The following XIRP2 variants were observed in gnomAD, a reference collection of about 807,000 sequenced individuals.
The protein encoded by XIRP2 is xin actin binding repeat containing 2, also known as xin actin-binding repeat-containing protein 2.
In XIRP2, 236 loss-of-function variants were observed where a neutral mutation model predicts 277.0. The ratio of observed to expected loss-of-function variants is 0.85; its 90% CI spans 0.77 to 0.95. The LOEUF is 0.95. XIRP2 is among the 40% of genes least tolerant of loss of function. The pLI is 0.00. For synonymous variants in XIRP2, 1,490 were observed against 1,416.5 expected (o/e 1.05, Z -1.17); for missense variants, 4,640 against 4,157.5 (o/e 1.12, Z -3.19).
intron 3 of XIRP2, among the ~76,000 whole-genome samples, chr2:167,148,438 A>G (rs1303245705): frequency 7.5e-5 from 11 of 146,910 alleles, no homozygotes; most frequent in East Asian, 2.0e-4. Context: ...AAAGAAAAAG[A>G]AAAAGAAAAA....
At chr2:166,980,564 C>G in intron 2 of XIRP2, among the ~76,000 whole-genome samples, 1 of 152,006 alleles carries the variant, frequency 6.6e-6, no homozygotes, top group East Asian at 1.9e-4. Flanking sequence ...TTACAGGCAC[C>G]CGCCACCACG....
At position 167,248,375 on chromosome 2, in the gene XIRP2, C is replaced by G. The variant is rs750820952; in HGVS notation, c.6983C>G (p.Ser2328Ter). The stretch of plus-strand genomic sequence containing the variant: ...CCTGAAAAAAATGGGTTTCTTCCCT[C>G]ACTGTCCACAGAGAAGATAAAGGCT... Reference protein sequence around the residue: ...MFPEKNGFLPSLSTEKIKAEF... With the variant: ...MFPEKNGFLP Residue 2328 changes from serine (S) to a stop codon, truncating the protein, a stop_gained, in exon 9 of 11, where the codon TCA (serine) becomes TGA (stop). Coordinates refer to ENST00000409195, the MANE Select transcript of XIRP2 (RefSeq NM_152381.6). LOFTEE classifies it high-confidence loss of function. The G allele has an allele frequency of 3.7e-6, 6 of 1,613,658 alleles. No homozygotes were observed. The highest frequency in any genetic ancestry group is 3.4e-6 in the Non-Finnish European group (4 of 1,179,842).
chr2:167,134,746 A>G (rs1451561140), intron 2 of XIRP2, among the ~76,000 whole-genome samples: 2 of 152,204 alleles, frequency 1.3e-5, no homozygotes, highest in African/African-American at 4.8e-5. Flanking sequence ...ACAATAACTC[A>G]TAATAAAATA....
chr2:167,175,192 C>G (rs1346868830), intron 3 of XIRP2, among the ~76,000 whole-genome samples: 1 of 152,004 alleles, frequency 6.6e-6, no homozygotes, highest in Non-Finnish European at 1.5e-5. Flanking sequence ...GCTAAATTCT[C>G]CCACTATTAT....
chr2:167,034,725 G>C (rs1018303602), intron 2 of XIRP2, among the ~76,000 whole-genome samples: 1 of 152,310 alleles, frequency 6.6e-6, no homozygotes, highest in African/African-American at 2.4e-5. Flanking sequence ...AGTCAATTCA[G>C]CAAGAGTATA....
rs1695137416 is a variant in XIRP2, at chr2:167,243,414, A to G, written c.2022A>G (p.Glu674=). 1.2e-6 allele frequency: 2 copies of G among 1,614,080 alleles called. No individual in the cohort carries two copies. Among genetic ancestry groups the G allele is most frequent in the South Asian group, 2.2e-5 (2 of 91,080 alleles). The change falls in exon 9 of 11, where the codon GAA becomes GAG. Residue 674 remains glutamate (E), a synonymous_variant. Transcript: ENST00000409195. ...TGAATAAAATGCATCAAAGTCAAGA[A>G]GAATCAGCGGTAACTATCAGTAAGG... ...DSMNKMHQSQ[E]ESAVTISKDI... is the part of the protein sequence containing the mutation.
chr2:167,246,637 T>C lies in XIRP2; in HGVS notation c.5245T>C (p.Cys1749Arg). 1 of 1,613,800 alleles carries C rather than the reference T, an allele frequency of 6.2e-7. No individual in the cohort carries two copies. Among genetic ancestry groups the C allele is most frequent in the South Asian group, 1.1e-5 (1 of 91,072 alleles). The change falls in exon 9 of 11, where the codon TGC becomes CGC. Residue 1749 changes from cysteine (C) to arginine (R), a missense_variant. By Grantham distance (180) the Cys-to-Arg change is radical. Coordinates refer to ENST00000409195, the MANE Select transcript of XIRP2 (RefSeq NM_152381.6). ...ERGNVQFFTT[C>R]IEAGALDYLK... ...AGGAAATGTTCAGTTTTTCACAACC[T>C]GCATAGAAGCTGGAGCTTTGGATTA...
chr2:166,895,913 C>T (rs1487778094), intron 1 of XIRP2, among the ~76,000 whole-genome samples: 1 of 152,140 alleles, frequency 6.6e-6, no homozygotes, highest in East Asian at 1.9e-4. Context: ...GTCATGACTA[C>T]TACATAGATA....
rs112554413 is a variant in XIRP2 at position 167,188,317 on chromosome 2, C to A, written c.563-22418C>A. ...AGAGACTGAAGTGATTTGGAAGAGACGTGATAACAGAATCTCTTAAGACAC... is the reference window on the plus strand; with the variant it reads ...AGAGACTGAAGTGATTTGGAAGAGAAGTGATAACAGAATCTCTTAAGACAC... On this transcript the variant is annotated intron_variant, in intron 3 of 10. Transcript: ENST00000409195. 4.4e-4 allele frequency among the ~76,000 whole-genome samples: 67 copies of A among 152,218 alleles called. 1 individual carries two copies. Among genetic ancestry groups the A allele is most frequent in the African/African-American group, 1.6e-3 (65 of 41,526 alleles).
chr2:167,242,921 GA>G lies in XIRP2; in HGVS notation c.1535del (p.Asn512ThrfsTer2). On this transcript the variant is annotated frameshift_variant, in exon 9 of 11. Transcript: ENST00000409195. LOFTEE classifies it high-confidence loss of function. ...RLYKHIHPEL[R>X]KNLEKDYISE... ...TATAAACACATCCATCCTGAGTTAA[GA>G]AAAAACTTAGAAAAAGATTATATCA... 6.2e-7 allele frequency: 1 copy of G among 1,613,374 alleles called. No homozygotes were observed. The highest frequency in any genetic ancestry group is 2.2e-5 in the East Asian group (1 of 44,862).
intron 2 of XIRP2, among the ~76,000 whole-genome samples, chr2:166,919,374 T>C (rs1684977885): frequency 6.6e-6 from 1 of 152,188 alleles, no homozygotes; most frequent in African/African-American, 2.4e-5. Context: ...TGTACTAACT[T>C]GTTTTATGCG....
rs2105446678 is a variant in XIRP2, at chr2:167,249,920, A to T, written c.8528A>T (p.His2843Leu). 1 of 1,613,580 alleles carries T rather than the reference A, an allele frequency of 6.2e-7. No individual in the cohort carries two copies. Among genetic ancestry groups the T allele is most frequent in the African/African-American group, 1.3e-5 (1 of 74,976 alleles). Residue 2843 changes from histidine (H) to leucine (L), a missense_variant, in exon 9 of 11, where the codon CAT (histidine) becomes CTT (leucine). Physicochemically the swap from His to Leu is moderately conservative, Grantham distance 99. Coordinates refer to ENST00000409195, the MANE Select transcript of XIRP2 (RefSeq NM_152381.6). ...ERLITERKHE[H>L]LKNKSAPKVV... ...TTAATAACTGAAAGAAAACACGAAC[A>T]TCTGAAGAATAAATCAGCACCAAAG... is the stretch of plus-strand genomic sequence containing the variant.
chr2:167,092,445 A>G (rs1330501886), intron 2 of XIRP2, among the ~76,000 whole-genome samples: 1 of 152,140 alleles, frequency 6.6e-6, no homozygotes, highest in African/African-American at 2.4e-5. Flanking sequence ...GCAACACTGC[A>G]AACAAAATAG....
At chr2:166,895,900 A>G (rs917003728) in intron 1 of XIRP2, among the ~76,000 whole-genome samples, 1 of 152,204 alleles carries the variant, frequency 6.6e-6, no homozygotes, top group Non-Finnish European at 1.5e-5. Flanking sequence ...AAAACTTGCC[A>G]AAGTCATGAC....
intron 2 of XIRP2, among the ~76,000 whole-genome samples, chr2:167,063,277 T>C (rs1397143647): frequency 1.3e-5 from 2 of 152,012 alleles, no homozygotes; most frequent in African/African-American, 4.8e-5. Flanking sequence ...ATACTTTGTA[T>C]AAATTCAATC....
At chr2:167,252,479 G>T (rs1695542745) in intron 9 of XIRP2, among the ~76,000 whole-genome samples, 2 of 151,844 alleles carry the variant, frequency 1.3e-5, no homozygotes, top group South Asian at 4.1e-4. Flanking sequence ...TTCAACTATT[G>T]CTACTGAGTT....
intron 2 of XIRP2, among the ~76,000 whole-genome samples, chr2:167,001,240 T>G (rs1687360543): frequency 2.0e-5 from 3 of 152,122 alleles, no homozygotes; most frequent in African/African-American, 7.2e-5. Flanking sequence ...CATCAATAGC[T>G]GTGTCTGCAT....
rs201395607 is a variant in XIRP2 at position 167,258,458 on chromosome 2, G to A, written c.*641G>A. Reference sequence around the variant, plus strand: ...TGAAAAGAAGGAAGGAAGGAAGAATGTGCAAGATAGGCCGAGTGAAGCTGA... The same window carrying A: ...TGAAAAGAAGGAAGGAAGGAAGAATATGCAAGATAGGCCGAGTGAAGCTGA... On this transcript the variant is annotated 3_prime_UTR_variant, in exon 11 of 11. Coordinates refer to ENST00000409195, the MANE Select transcript of XIRP2 (RefSeq NM_152381.6). 3 of 1,613,074 alleles carry A rather than the reference G, an allele frequency of 1.9e-6. No individual in the cohort carries two copies. The highest frequency in any genetic ancestry group is 1.7e-4 in the Middle Eastern group (1 of 6,060).
chr2:167,258,026 C>T lies in XIRP2; in HGVS notation c.*209C>T, dbSNP rs760614625. Reference sequence around the variant, plus strand: ...AGTGGACTTTATTCCTAATGAAGAACCAAATATGTGTAAAAATATTGCAGA... The same window carrying T: ...AGTGGACTTTATTCCTAATGAAGAATCAAATATGTGTAAAAATATTGCAGA... On this transcript the variant is annotated 3_prime_UTR_variant, in exon 11 of 11. Coordinates refer to ENST00000409195, the MANE Select transcript of XIRP2 (RefSeq NM_152381.6). 94 of 1,612,944 alleles carry T rather than the reference C, an allele frequency of 5.8e-5. No homozygotes were observed. The South Asian group carries it at 1.0e-3, about 18-fold the overall frequency.
Sources: allele counts gnomAD v4.1 joint callset (sites outside exome capture counted in the v4.1 genomes callset), GRCh38; gene constraint gnomAD v4.1.1; transcripts MANE v1.5; gene names NCBI Gene and HGNC (gene_info 2026-07-23, HGNC 2026-07-21).